C8orf34: variants seen among roughly 807,000 people sequenced by gnomAD.
C8orf34 encodes chromosome 8 open reading frame 34, also known as uncharacterized protein C8orf34.
A neutral mutation model predicts 68.3 loss-of-function variants in C8orf34; 65 were observed. That is an observed-to-expected ratio of 0.95 (90% CI 0.78 to 1.17). The LOEUF is 1.17. Ranked by LOEUF, C8orf34 falls within the 50% of genes most tolerant of loss-of-function variation. The probability of loss-of-function intolerance (pLI) is 0.00; values close to 1 mark genes in which losing one functional copy is unlikely to be tolerated. For missense variants in C8orf34, 664 were observed against 655.4 expected, an observed-to-expected ratio of 1.01 and a Z score of -0.14; for synonymous variants, 244 against 241.2, an observed-to-expected ratio of 1.01 and a Z score of -0.11.
chr8:68,378,677 T>C (rs1034490913), intron 1 of C8orf34, among the ~76,000 whole-genome samples: 1 of 152,206 alleles, frequency 6.6e-6, no homozygotes, highest in African/African-American at 2.4e-5. Flanking sequence ...ATTTAACCAA[T>C]CAACTTGAAG....
intron 8 of C8orf34, among the ~76,000 whole-genome samples, chr8:68,689,679 G>A (rs1321812526): frequency 1.3e-5 from 2 of 151,920 alleles, no homozygotes; most frequent in East Asian, 1.9e-4. Context: ...AGAGGCATTT[G>A]GCAATAAATA....
intron 5 of C8orf34, among the ~76,000 whole-genome samples, chr8:68,521,399 C>T (rs2129673934): frequency 6.6e-6 from 1 of 152,256 alleles, no homozygotes; most frequent in East Asian, 1.9e-4. Flanking sequence ...CTCTTCTTGT[C>T]CCTATCCCCT....
chr8:68,433,976 G>T (rs1389315255), intron 1 of C8orf34, among the ~76,000 whole-genome samples: 3 of 152,022 alleles, frequency 2.0e-5, no homozygotes, highest in Non-Finnish European at 4.4e-5. Context: ...GCACTACAAG[G>T]TTATCTGTTA....
At chr8:68,804,353 T>G (rs572351063) in intron 12 of C8orf34, among the ~76,000 whole-genome samples, 1 of 152,214 alleles carries the variant, frequency 6.6e-6, no homozygotes, top group Non-Finnish European at 1.5e-5. Flanking sequence ...ACCTAAGTGC[T>G]AAATAACATG....
intron 1 of C8orf34, among the ~76,000 whole-genome samples, chr8:68,342,439 C>A (rs1806110908): frequency 6.6e-6 from 1 of 152,124 alleles, no homozygotes; most frequent in African/African-American, 2.4e-5. Flanking sequence ...AAGCACACAT[C>A]TAACAAATGG....
intron 9 of C8orf34, among the ~76,000 whole-genome samples, chr8:68,714,815 A>G (rs530480648): frequency 9.2e-5 from 14 of 152,320 alleles, no homozygotes; most frequent in Non-Finnish European, 1.8e-4. Context: ...CTGCATAGCT[A>G]AAGCTATCCT....
At chr8:68,589,792 G>A (rs892529087) in intron 7 of C8orf34, among the ~76,000 whole-genome samples, 2 of 146,014 alleles carry the variant, frequency 1.4e-5, no homozygotes, top group Non-Finnish European at 3.0e-5. Context: ...GGTGGAGAGA[G>A]AAGGGAATCA....
intron 1 of C8orf34, chr8:68,438,391 A>G (rs944327406): frequency 6.6e-6 from 1 of 152,154 alleles, no homozygotes; most frequent in African/African-American, 2.4e-5. Context: ...GTATCATTGG[A>G]GACCGAAGGA....
intron 3 of C8orf34, among the ~76,000 whole-genome samples, chr8:68,458,426 A>C (rs1204945755): frequency 6.6e-6 from 1 of 152,158 alleles, no homozygotes; most frequent in African/African-American, 2.4e-5. Context: ...TCTGGTAGAT[A>C]TCCAGGGATA....
intron 1 of C8orf34, chr8:68,437,976 G>A (rs935171465): frequency 3.9e-5 from 6 of 152,066 alleles, no homozygotes; most frequent in Admixed American, 2.6e-4. Context: ...AGATAATCTG[G>A]ACAGCAGTTT....
intron 1 of C8orf34, among the ~76,000 whole-genome samples, chr8:68,383,501 T>C (rs1339748559): frequency 6.6e-6 from 1 of 152,202 alleles, no homozygotes; most frequent in Non-Finnish European, 1.5e-5. Flanking sequence ...GAAATACATA[T>C]TCCCTTCAAG....
At chr8:68,681,451 T>C (rs1431568035) in intron 8 of C8orf34, among the ~76,000 whole-genome samples, 9 of 152,090 alleles carry the variant, frequency 5.9e-5, no homozygotes, top group Admixed American at 5.9e-4. Flanking sequence ...TGTGAGTCAA[T>C]CTACAATGAG....
intron 7 of C8orf34, among the ~76,000 whole-genome samples, chr8:68,598,732 G>C (rs1174358412): frequency 6.6e-6 from 1 of 152,114 alleles, no homozygotes; most frequent in Non-Finnish European, 1.5e-5. Flanking sequence ...GGAATCCATT[G>C]AAAATTTGTC....
In C8orf34 at chr8:68,530,581, ATTG is replaced by A. The variant is rs762694766; in HGVS notation, c.939-2399_939-2397del. 7 of 1,237,576 alleles carry A rather than the reference ATTG, an allele frequency of 5.7e-6. No homozygotes were observed. The South Asian group carries it at 8.1e-5, about 14-fold the overall frequency. The allele number at this position is 1,237,576 out of a possible 1,614,324, so 76.7% of individuals were successfully genotyped here. A position where few individuals can be genotyped will look rare whatever the true frequency, so the allele number is the denominator to read the frequency against. Reference sequence around the variant, plus strand: ...TCAAGGAAGACTTTAACATTGTTACATTGTTTCTCAGTTTAGAAGACACGTAAT... The same window carrying A: ...TCAAGGAAGACTTTAACATTGTTACATTTCTCAGTTTAGAAGACACGTAAT... On this transcript the variant is annotated intron_variant, in intron 6 of 13. Coordinates refer to ENST00000518698, the MANE Select transcript of C8orf34 (RefSeq NM_052958.4).
intron 9 of C8orf34, among the ~76,000 whole-genome samples, chr8:68,709,707 C>A (rs1234047676): frequency 1.3e-5 from 2 of 152,094 alleles, no homozygotes; most frequent in Non-Finnish European, 2.9e-5. Flanking sequence ...TCTCACCCCT[C>A]TTTTGTTCAT....
rs528494400 is a variant in C8orf34, at chr8:68,397,678, G to A, written c.328-41821G>A. Among the ~76,000 whole-genome samples the A allele has an allele frequency of 6.4e-4, 97 of 152,206 alleles. 1 individual carries two copies. The highest frequency in any genetic ancestry group is 2.3e-3 in the African/African-American group (94 of 41,558). ...TTTATCATTTTAGAGTGGCTAGATT[G>A]GGATGCACATTTTTACGTTTGAAAC... On this transcript the variant is annotated intron_variant, in intron 1 of 13. Transcript: ENST00000518698.
intron 4 of C8orf34, among the ~76,000 whole-genome samples, chr8:68,476,167 A>G (rs554224425): frequency 2.0e-5 from 3 of 152,368 alleles, no homozygotes; most frequent in African/African-American, 7.2e-5. Flanking sequence ...CATTCATTGA[A>G]TGTATGCAGG....
chr8:68,787,113 T>A (rs1823866690), intron 11 of C8orf34, among the ~76,000 whole-genome samples: 1 of 152,208 alleles, frequency 6.6e-6, no homozygotes, highest in South Asian at 2.1e-4. Context: ...AGAGGCACAT[T>A]TTATGCCATT....
chr8:68,695,662 T>G (rs913603113), intron 8 of C8orf34: 8 of 152,144 alleles, frequency 5.3e-5, no homozygotes, highest in African/African-American at 1.4e-4. Flanking sequence ...TATCACACTT[T>G]TAACATACCC....
Sources: allele counts gnomAD v4.1 joint callset (sites outside exome capture counted in the v4.1 genomes callset), GRCh38; gene constraint gnomAD v4.1.1; transcripts MANE v1.5; gene names NCBI Gene and HGNC (gene_info 2026-07-23, HGNC 2026-07-21).